CARM1: variants seen among roughly 807,000 people sequenced by gnomAD.
CARM1 encodes coactivator associated arginine methyltransferase 1, also known as histone-arginine methyltransferase CARM1.
A neutral mutation model predicts 72.7 loss-of-function variants in CARM1; 14 were observed. That is an observed-to-expected ratio of 0.19 (90% CI 0.13 to 0.30). The LOEUF (loss-of-function observed/expected upper bound fraction) is 0.30, where lower values mean the gene tolerates loss of function less well. CARM1 is among the 10% of genes least tolerant of loss of function. CARM1 has a pLI of 1.00. For missense variants in CARM1, 432 were observed against 833.7 expected (o/e 0.52, Z 5.93); for synonymous variants, 333 against 345.5 (o/e 0.96, Z 0.40).
intron 1 of CARM1, among the ~76,000 whole-genome samples, chr19:10,889,997 G>C (rs1011394284): frequency 1.3e-5 from 2 of 152,188 alleles, no homozygotes; most frequent in Non-Finnish European, 2.9e-5. Flanking sequence ...AAACTTTACA[G>C]GTGGGATGTA....
chr19:10,908,566 T>G, intron 3 of CARM1: 1 of 191,594 alleles, frequency 5.2e-6, no homozygotes, highest in South Asian at 9.2e-5. Flanking sequence ...AAACTGAGGC[T>G]CAGAGAGGTT....
chr19:10,910,556 T>C (rs1323154128), intron 4 of CARM1, among the ~76,000 whole-genome samples: 1 of 151,946 alleles, frequency 6.6e-6, no homozygotes, highest in Non-Finnish European at 1.5e-5. Context: ...CTACCTTTTT[T>C]ATTTTTTTAT....
At chr19:10,878,031 A>G (rs966612630) in intron 1 of CARM1, among the ~76,000 whole-genome samples, 1 of 152,198 alleles carries the variant, frequency 6.6e-6, no homozygotes, top group Admixed American at 6.5e-5. Context: ...TTTTAGAGAC[A>G]GAGTCTTGCT....
chr19:10,890,274 T>TGTG (rs1180477038), intron 1 of CARM1, among the ~76,000 whole-genome samples: 3 of 150,592 alleles, frequency 2.0e-5, no homozygotes, highest in African/African-American at 7.3e-5. Flanking sequence ...TGTTTGTTTT[T>TGTG]TTTTTTTTTT....
chr19:10,885,835 G>A (rs915401965), intron 1 of CARM1, among the ~76,000 whole-genome samples: 2 of 149,926 alleles, frequency 1.3e-5, no homozygotes, highest in African/African-American at 2.5e-5. Context: ...TCCAAGTCTC[G>A]CTATCAGGAC....
intron 1 of CARM1, among the ~76,000 whole-genome samples, chr19:10,898,712 G>GC (rs1194643818): frequency 1.3e-5 from 2 of 152,210 alleles, no homozygotes; most frequent in African/African-American, 2.4e-5. Flanking sequence ...TGCGTCCCGG[G>GC]CCCCAAGGCT....
rs1169565864 is a variant in CARM1, at chr19:10,873,624, G to GTTTTTTTTTTT, written c.220+1725_220+1735dup. Among the ~76,000 whole-genome samples, 8 of 47,346 alleles carry GTTTTTTTTTTT rather than the reference G, an allele frequency of 1.7e-4. 1 individual carries two copies. Among genetic ancestry groups the GTTTTTTTTTTT allele is most frequent in the Non-Finnish European group, 2.2e-4 (6 of 27,824 alleles). 31.1% of individuals were successfully genotyped at this position (47,346 alleles called of 152,430 possible). A position where few individuals can be genotyped will look rare whatever the true frequency, so the allele number is the denominator to read the frequency against. ...TTTTTTTTAGAACAATTTTAGTTTA[G>GTTTTTTTTTTT]TTTTTTTTTTTTTTTTTTTTTTTTT... On this transcript the variant is annotated intron_variant, in intron 1 of 15. Transcript: ENST00000327064.
chr19:10,912,035 C>G lies in CARM1; in HGVS notation c.559-149C>G. ...ACTGGCCCATGGCTCATCTTGAGTTCTCGCTTCATTTTGACCAAGAGCCCA... is the reference window on the plus strand; with the variant it reads ...ACTGGCCCATGGCTCATCTTGAGTTGTCGCTTCATTTTGACCAAGAGCCCA... On this transcript the variant is annotated intron_variant, in intron 4 of 15. Transcript: ENST00000327064. The surrounding 1 kb of genome is among the most constrained non-coding windows in gnomAD (Gnocchi z 4.5). The G allele has an allele frequency of 1.4e-6, 1 of 719,626 alleles. No individual in the cohort carries two copies. The highest frequency in any genetic ancestry group is 1.6e-5 in the South Asian group (1 of 63,860). The allele number at this position is 719,626 out of a possible 1,614,324, so 44.6% of individuals were successfully genotyped here.
chr19:10,913,799 G>A (rs2074173342), intron 5 of CARM1, 78 bp from the exon 6 acceptor site: 2 of 1,431,298 alleles, frequency 1.4e-6, no homozygotes, highest in Non-Finnish European at 9.5e-7. Flanking sequence ...GATGGAGGCT[G>A]TCCCTTGAGA....
chr19:10,921,283 C>A, intron 14 of CARM1, 92 bp from the exon 15 acceptor site: 1 of 1,511,750 alleles, frequency 6.6e-7, no homozygotes, highest in Non-Finnish European at 9.1e-7. Flanking sequence ...GTCCTCTCTG[C>A]CTCGCTCTGC....
intron 1 of CARM1, among the ~76,000 whole-genome samples, chr19:10,880,653 C>T (rs566564079): frequency 2.0e-4 from 31 of 152,206 alleles, no homozygotes; most frequent in African/African-American, 7.5e-4. Flanking sequence ...GCAGCCACGG[C>T]TCCAGAGCTC....
At chr19:10,882,534 CTTTTTTTTTTTTT>C (rs869046901) in intron 1 of CARM1, among the ~76,000 whole-genome samples, 1 of 85,942 alleles carries the variant, frequency 1.2e-5, no homozygotes, top group African/African-American at 4.5e-5. Flanking sequence ...TGCACTCTGT[CTTTTTTTTTTTTT>C]TTTTTTTTTT....
At chr19:10,903,977 T>A (rs762892894) in intron 1 of CARM1, among the ~76,000 whole-genome samples, 1 of 152,196 alleles carries the variant, frequency 6.6e-6, no homozygotes, top group Non-Finnish European at 1.5e-5. Flanking sequence ...GTGCTGGGAT[T>A]AGAGGTGTGG....
chr19:10,891,466 G>A (rs2073987168), intron 1 of CARM1, among the ~76,000 whole-genome samples: 1 of 152,254 alleles, frequency 6.6e-6, no homozygotes, highest in East Asian at 1.9e-4. Context: ...CACACCCACT[G>A]AGGGCCGTGG....
intron 1 of CARM1, among the ~76,000 whole-genome samples, chr19:10,899,723 CTTTTTT>C (rs1354982354): frequency 7.0e-6 from 1 of 141,960 alleles, no homozygotes; most frequent in Non-Finnish European, 1.6e-5. Context: ...TTTTCTTTTT[CTTTTTT>C]TTTTTTTTTG....
chr19:10,894,293 G>T (rs1040679263), intron 1 of CARM1, among the ~76,000 whole-genome samples: 23 of 152,200 alleles, frequency 1.5e-4, no homozygotes, highest in African/African-American at 5.5e-4. Context: ...TCACCGCCAG[G>T]TCCTCTGTGC....
In CARM1 at chr19:10,920,942, G is replaced by A. The variant is rs780534810; in HGVS notation, c.1533G>A (p.Val511=). 17 of 1,614,090 alleles carry A rather than the reference G, an allele frequency of 1.1e-5. No homozygotes were observed. Among genetic ancestry groups the A allele is most frequent in the Non-Finnish European group, 1.4e-5 (17 of 1,180,004 alleles). Residue 511 remains valine (V), a synonymous_variant, in exon 13 of 16, where the codon GTG becomes GTA. Transcript: ENST00000327064. The surrounding 1 kb of genome is among the most constrained non-coding windows in gnomAD (Gnocchi z 5.3). Reference sequence around the variant, plus strand: ...ACAACCTCAGCAGCGGGATGGCCGTGGCAGGTGAGCAGGGCCCACCCCAAT... The same window carrying A: ...ACAACCTCAGCAGCGGGATGGCCGTAGCAGGTGAGCAGGGCCCACCCCAAT... ...STYNLSSGMA[V]AGMPTAYDLS... is the part of the protein sequence containing the mutation.
At chr19:10,918,019 T>C (rs1230175524) in intron 8 of CARM1, among the ~76,000 whole-genome samples, 1 of 151,944 alleles carries the variant, frequency 6.6e-6, no homozygotes, top group East Asian at 1.9e-4. Flanking sequence ...GCGTGTTCAG[T>C]CTTTTGTGAT....
intron 1 of CARM1, among the ~76,000 whole-genome samples, chr19:10,879,074 TG>T (rs2073883327): frequency 6.6e-6 from 1 of 152,150 alleles, no homozygotes; most frequent in Non-Finnish European, 1.5e-5. Context: ...CCCAAAGTGC[TG>T]GGATTACAGG....
Sources: gnomAD v4.1 joint callset for allele counts (sites outside exome capture counted in the v4.1 genomes callset) on GRCh38, gnomAD v4.1.1 for gene constraint, Gnocchi (gnomAD v3.1) non-coding constraint, MANE v1.5 for transcripts, NCBI Gene and HGNC (gene_info 2026-07-23, HGNC 2026-07-21) for gene names.